The following ACVR2A variants were observed in gnomAD, a reference collection of about 807,000 sequenced individuals.
The protein encoded by ACVR2A is activin A receptor type 2A.
A neutral mutation model predicts 61.4 loss-of-function variants in ACVR2A; 7 were observed. The ratio of observed to expected loss-of-function variants is 0.11; its 90% CI spans 0.06 to 0.21. The LOEUF (loss-of-function observed/expected upper bound fraction) is 0.21. Ranked by LOEUF, ACVR2A falls within the 10% of genes least tolerant of loss-of-function variation. The pLI, the probability that ACVR2A is intolerant of heterozygous loss-of-function variation, is 1.00. For synonymous variants in ACVR2A, 193 were observed against 208.3 expected, an observed-to-expected ratio of 0.93 and a Z score of 0.63; for missense variants, 322 against 621.7, an observed-to-expected ratio of 0.52 and a Z score of 5.13.
intron 1 of ACVR2A, among the ~76,000 whole-genome samples, chr2:147,856,524 A>G (rs1274709946): frequency 1.3e-5 from 2 of 152,160 alleles, no homozygotes; most frequent in African/African-American, 4.8e-5. Context: ...CCTTTCTTTT[A>G]CCTGGTAGTG....
chr2:147,869,634 A>G (rs1573921248), intron 1 of ACVR2A, among the ~76,000 whole-genome samples: 2 of 152,224 alleles, frequency 1.3e-5, no homozygotes, highest in South Asian at 2.1e-4. Flanking sequence ...AGAATTCTAT[A>G]TTTAAATCAA....
chr2:147,916,130 T>TA (rs1687244949), intron 5 of ACVR2A, among the ~76,000 whole-genome samples: 1 of 151,920 alleles, frequency 6.6e-6, no homozygotes, highest in Non-Finnish European at 1.5e-5. Context: ...TTAACCTTTT[T>TA]ACCTCCTCTG....
At chr2:147,895,514 T>C (rs1345731105) in intron 1 of ACVR2A, among the ~76,000 whole-genome samples, 1 of 152,156 alleles carries the variant, frequency 6.6e-6, no homozygotes, top group African/African-American at 2.4e-5. Context: ...AAAGTGCCAC[T>C]CTTGGTACTG....
chr2:147,892,790 A>G (rs1686619138), intron 1 of ACVR2A, among the ~76,000 whole-genome samples: 1 of 151,880 alleles, frequency 6.6e-6, no homozygotes, highest in Non-Finnish European at 1.5e-5. Flanking sequence ...ACATAGTTAG[A>G]AAAAAAGGAA....
In ACVR2A at chr2:147,930,342, T is replaced by A. The variant is rs1192827176; in HGVS notation, c.*3068T>A. The A allele has an allele frequency of 7.0e-6, 1 of 142,638 alleles. No individual in the cohort carries two copies. The highest frequency in any genetic ancestry group is 7.2e-5 in the Admixed American group (1 of 13,804). 8.8% of individuals were successfully genotyped at this position (142,638 alleles called of 1,614,324 possible). On this transcript the variant is annotated 3_prime_UTR_variant, in exon 11 of 11. Transcript: ENST00000241416. ...TGGTGGTTTAGTGGAATAAACTGAT[T>A]ACTGGTTTTTTTGTTTTTTTTTTTT...
At chr2:147,924,316 C>T (rs1231158250) in intron 9 of ACVR2A, among the ~76,000 whole-genome samples, 2 of 152,090 alleles carry the variant, frequency 1.3e-5, no homozygotes, top group East Asian at 3.9e-4. Context: ...AGACCTTATT[C>T]TCAAGTAATA....
At position 147,878,444 on chromosome 2, in the gene ACVR2A, C is replaced by CTT. The variant is rs199940101; in HGVS notation, c.56-17846_56-17845dup. On this transcript the variant is annotated intron_variant, in intron 1 of 10. Coordinates refer to ENST00000241416, the MANE Select transcript of ACVR2A (RefSeq NM_001616.5). ...ATGACTTTTACAAATAAGACTTTTA[C>CTT]TTTTTTTTTTTTATTAAGAAAGAGG... Among the ~76,000 whole-genome samples, 264 of 145,134 alleles carry CTT rather than the reference C, an allele frequency of 1.8e-3. 1 individual carries two copies. The highest frequency in any genetic ancestry group is 5.9e-3 in the African/African-American group (232 of 39,542).
chr2:147,927,115 T>C lies in ACVR2A; in HGVS notation c.1383T>C (p.Cys461=). 6.2e-7 allele frequency: 1 copy of C among 1,611,942 alleles called. No homozygotes were observed. Among genetic ancestry groups the C allele is most frequent in the Non-Finnish European group, 8.5e-7 (1 of 1,178,664 alleles). ...MAMLCETIEE[C]WDHDAEARLS... ...TGCTCTGTGAAACCATTGAAGAATG[T>C]TGGGATCACGACGCAGAAGCCAGGT... Residue 461 remains cysteine (C), a synonymous_variant, in exon 11 of 11, where the codon TGT becomes TGC. Coordinates refer to ENST00000241416, the MANE Select transcript of ACVR2A (RefSeq NM_001616.5).
intron 7 of ACVR2A, among the ~76,000 whole-genome samples, chr2:147,919,506 G>C (rs1423058093): frequency 1.3e-5 from 2 of 152,202 alleles, no homozygotes; most frequent in African/African-American, 4.8e-5. Context: ...GTGTCTGCTT[G>C]TGCTTTCAGT....
intron 1 of ACVR2A, among the ~76,000 whole-genome samples, chr2:147,864,253 G>A (rs188610240): frequency 2.6e-5 from 4 of 151,964 alleles, no homozygotes; most frequent in Non-Finnish European, 5.9e-5. Context: ...TTTTTGAGAG[G>A]GAGTCTAACT....
At chr2:147,858,239 A>G (rs1270753731) in intron 1 of ACVR2A, among the ~76,000 whole-genome samples, 1 of 152,190 alleles carries the variant, frequency 6.6e-6, no homozygotes, top group African/African-American at 2.4e-5. Flanking sequence ...GCTATGCCAA[A>G]TATTTGTAAT....
rs776799060 is a variant in ACVR2A, at chr2:147,928,195, A to G, written c.*921A>G. 2 of 152,326 alleles carry G rather than the reference A, an allele frequency of 1.3e-5. No individual in the cohort carries two copies. The highest frequency in any genetic ancestry group is 2.9e-5 in the Non-Finnish European group (2 of 67,924). The allele number at this position is 152,326 out of a possible 1,614,324, so 9.4% of individuals were successfully genotyped here. A position where few individuals can be genotyped will look rare whatever the true frequency, so the allele number is the denominator to read the frequency against. On this transcript the variant is annotated 3_prime_UTR_variant, in exon 11 of 11. Coordinates refer to ENST00000241416, the MANE Select transcript of ACVR2A (RefSeq NM_001616.5). ...TTTAGGTGTGCTGTGTTTGGGGAAT[A>G]TTTGAAAATTTAAAGCATGATTTAA...
intron 1 of ACVR2A, among the ~76,000 whole-genome samples, chr2:147,859,092 G>T (rs771767946): frequency 6.6e-6 from 1 of 152,064 alleles, no homozygotes; most frequent in Non-Finnish European, 1.5e-5. Context: ...TGTAGGTTAA[G>T]TTCCTAGACT....
chr2:147,866,701 G>A (rs1685864612), intron 1 of ACVR2A, among the ~76,000 whole-genome samples: 1 of 152,152 alleles, frequency 6.6e-6, no homozygotes, highest in Non-Finnish European at 1.5e-5. Flanking sequence ...GACTGTGGAA[G>A]GGCCATTTTG....
At chr2:147,922,164 T>TA (rs568761587) in intron 8 of ACVR2A, among the ~76,000 whole-genome samples, 377 of 152,166 alleles carry the variant, frequency 2.5e-3, no homozygotes, top group Non-Finnish European at 3.6e-3. Context: ...CTTTTCCCTT[T>TA]AATGTGTTCT....
At position 147,882,201 on chromosome 2, in the gene ACVR2A, A is replaced by G. The variant is rs1022137699; in HGVS notation, c.56-14100A>G. ...AATTAGTCATTTAAGTGTTAACAAT[A>G]TTGAAATACGTTTTGGATGCTTGCC... On this transcript the variant is annotated intron_variant, in intron 1 of 10. Transcript: ENST00000241416. 4.6e-5 allele frequency among the ~76,000 whole-genome samples: 7 copies of G among 152,352 alleles called. No individual in the cohort carries two copies. The South Asian group carries it at 8.3e-4, about 18-fold the overall frequency.
At chr2:147,854,363 A>T (rs1685518793) in intron 1 of ACVR2A, among the ~76,000 whole-genome samples, 1 of 152,188 alleles carries the variant, frequency 6.6e-6, no homozygotes, top group Non-Finnish European at 1.5e-5. Context: ...CTTCTCTTAA[A>T]CTTTTTAAGT....
At chr2:147,890,489 AAT>A (rs1686556127) in intron 1 of ACVR2A, among the ~76,000 whole-genome samples, 1 of 152,066 alleles carries the variant, frequency 6.6e-6, no homozygotes, top group Non-Finnish European at 1.5e-5. Flanking sequence ...GGACCTACAT[AAT>A]GGCACTCAGA....
chr2:147,852,814 A>G (rs899442574), intron 1 of ACVR2A, among the ~76,000 whole-genome samples: 2 of 152,098 alleles, frequency 1.3e-5, no homozygotes, highest in African/African-American at 4.8e-5. Flanking sequence ...CAGGAACACA[A>G]TAGCCATTTG....
Sources: allele counts gnomAD v4.1 joint callset (sites outside exome capture counted in the v4.1 genomes callset), GRCh38; gene constraint gnomAD v4.1.1; transcripts MANE v1.5; gene names NCBI Gene and HGNC (gene_info 2026-07-23, HGNC 2026-07-21).